Variants in VWA8 observed in about 807,000 individuals in gnomAD.
VWA8 encodes von Willebrand factor A domain containing 8.
A neutral mutation model predicts 241.5 loss-of-function variants in VWA8; 221 were observed. That is an observed-to-expected ratio of 0.91 (90% CI 0.82 to 1.02). The LOEUF (loss-of-function observed/expected upper bound fraction) is 1.02, where lower values mean the gene tolerates loss of function less well. VWA8 is among the 50% of genes least tolerant of loss of function. The pLI, the probability that VWA8 is intolerant of heterozygous loss-of-function variation, is 0.00. For missense variants in VWA8, 2,322 were observed against 2,328.7 expected, an observed-to-expected ratio of 1.00 and a Z score of 0.06; for synonymous variants, 852 against 827.1, an observed-to-expected ratio of 1.03 and a Z score of -0.52.
chr13:41,726,604 G>A (rs1264650301), intron 24 of VWA8, among the ~76,000 whole-genome samples: 3 of 152,086 alleles, frequency 2.0e-5, no homozygotes, highest in African/African-American at 7.2e-5. Context: ...AAACAACAAA[G>A]TATAGTGTAA....
At chr13:41,871,431 A>C (rs1257902729) in intron 9 of VWA8, among the ~76,000 whole-genome samples, 1 of 151,996 alleles carries the variant, frequency 6.6e-6, no homozygotes, top group Non-Finnish European at 1.5e-5. Flanking sequence ...CATTAGGTAT[A>C]TCTCCCAATG....
chr13:41,891,690 G>T, intron 4 of VWA8, 103 bp from the exon 5 acceptor site: 1 of 1,235,838 alleles, frequency 8.1e-7, no homozygotes, highest in Non-Finnish European at 1.1e-6. Flanking sequence ...TTGTTATAGG[G>T]ACCAGAAATC....
At chr13:41,636,475 T>C (rs1255113339) in intron 37 of VWA8, among the ~76,000 whole-genome samples, 9 of 152,250 alleles carry the variant, frequency 5.9e-5, no homozygotes, top group Admixed American at 2.6e-4. Context: ...ATAAAAACCC[T>C]AGAAGAAAAC....
At chr13:41,917,793 T>C (rs936616527) in intron 2 of VWA8, among the ~76,000 whole-genome samples, 4 of 152,246 alleles carry the variant, frequency 2.6e-5, no homozygotes, top group African/African-American at 9.6e-5. Flanking sequence ...GTAAAGCCTA[T>C]GTTAGAGTAC....
chr13:41,784,080 A>C, intron 18 of VWA8, among the ~76,000 whole-genome samples, 179 bp from the exon 19 acceptor site: 1 of 152,154 alleles, frequency 6.6e-6, no homozygotes, highest in East Asian at 1.9e-4. Flanking sequence ...AATGCTTCAA[A>C]AGGTAACAAA....
chr13:41,902,586 A>G (rs1466293311), intron 4 of VWA8, among the ~76,000 whole-genome samples: 1 of 152,228 alleles, frequency 6.6e-6, no homozygotes, highest in Non-Finnish European at 1.5e-5. Flanking sequence ...TTCAATATAT[A>G]TTTGTTAATA....
intron 12 of VWA8, among the ~76,000 whole-genome samples, chr13:41,850,648 A>G (rs2079393332): frequency 6.6e-6 from 1 of 152,186 alleles, no homozygotes; most frequent in African/African-American, 2.4e-5. Context: ...TTAGCAAGCC[A>G]AATGAAAGAC....
At chr13:41,622,216 T>A (rs1288439857) in intron 37 of VWA8, among the ~76,000 whole-genome samples, 1 of 152,136 alleles carries the variant, frequency 6.6e-6, no homozygotes, top group Non-Finnish European at 1.5e-5. Flanking sequence ...TCATAAAAGA[T>A]GCAAGTCAGG....
intron 39 of VWA8, among the ~76,000 whole-genome samples, chr13:41,611,352 C>T (rs1213818776): frequency 2.0e-5 from 3 of 152,082 alleles, no homozygotes; most frequent in Admixed American, 6.5e-5. Context: ...ATGGATGGGG[C>T]GATTTGAGCT....
At position 41,833,538 on chromosome 13, in the gene VWA8, C is replaced by T; in HGVS notation, c.1426-7G>A. 2 of 1,595,930 alleles carry T rather than the reference C, an allele frequency of 1.3e-6. No homozygotes were observed. The highest frequency in any genetic ancestry group is 1.7e-6 in the Non-Finnish European group (2 of 1,172,260). Reference sequence around the variant, plus strand: ...GATCACGCGCTGTCATATCCTAAAACAAATCCCCACCACCCAACAAAGAAC... The same window carrying T: ...GATCACGCGCTGTCATATCCTAAAATAAATCCCCACCACCCAACAAAGAAC... On this transcript the variant is annotated splice_region_variant and splice_polypyrimidine_tract_variant and intron_variant, in intron 12 of 44. Coordinates refer to ENST00000379310, the MANE Select transcript of VWA8 (RefSeq NM_015058.2).
chr13:41,933,236 TACTC>T (rs1469528084), intron 2 of VWA8, among the ~76,000 whole-genome samples: 2 of 151,954 alleles, frequency 1.3e-5, no homozygotes, highest in Non-Finnish European at 2.9e-5. Flanking sequence ...AAGTATGAAA[TACTC>T]AAAGCATAAA....
At chr13:41,796,359 A>G (rs911904507) in intron 17 of VWA8, among the ~76,000 whole-genome samples, 4 of 152,120 alleles carry the variant, frequency 2.6e-5, no homozygotes, top group African/African-American at 9.7e-5. Flanking sequence ...TTTTTTAACT[A>G]CCAACTTTAT....
chr13:41,781,301 AGCTCC>A (rs1489852075), intron 19 of VWA8, among the ~76,000 whole-genome samples: 1 of 152,080 alleles, frequency 6.6e-6, no homozygotes, highest in Non-Finnish European at 1.5e-5. Flanking sequence ...ATTTATATAT[AGCTCC>A]CTAAATGAGC....
intron 37 of VWA8, among the ~76,000 whole-genome samples, chr13:41,639,732 C>G (rs535455865): frequency 6.6e-6 from 1 of 152,132 alleles, no homozygotes; most frequent in East Asian, 1.9e-4. Flanking sequence ...CCCATGGACA[C>G]AAAGAAGGGA....
intron 1 of VWA8, among the ~76,000 whole-genome samples, chr13:41,954,996 G>A (rs575851483): frequency 2.6e-5 from 4 of 152,192 alleles, no homozygotes; most frequent in African/African-American, 9.6e-5. Flanking sequence ...CAAGGCCTAA[G>A]TTTTAATCAT....
intron 37 of VWA8, among the ~76,000 whole-genome samples, chr13:41,643,922 T>C (rs1239618970): frequency 6.6e-6 from 1 of 152,018 alleles, no homozygotes; most frequent in Non-Finnish European, 1.5e-5. Context: ...AGGGCTAACA[T>C]TACCACAAGG....
chr13:41,759,817 T>C (rs1229438048), intron 21 of VWA8, among the ~76,000 whole-genome samples: 1 of 151,686 alleles, frequency 6.6e-6, no homozygotes, highest in Non-Finnish European at 1.5e-5. Context: ...GATTTTGCGG[T>C]CTTCTTGGTT....
intron 9 of VWA8, among the ~76,000 whole-genome samples, chr13:41,875,819 C>G (rs553315348): frequency 2.9e-4 from 44 of 152,150 alleles, no homozygotes; most frequent in African/African-American, 9.6e-4. Context: ...CCGATTTTCT[C>G]TCTCCAGTAC....
chr13:41,897,560 T>C (rs2138092969), intron 4 of VWA8, among the ~76,000 whole-genome samples: 1 of 152,292 alleles, frequency 6.6e-6, no homozygotes, highest in South Asian at 2.1e-4. Flanking sequence ...AATAGATGTA[T>C]TAAAGTATTG....
Sources: allele counts gnomAD v4.1 joint callset (sites outside exome capture counted in the v4.1 genomes callset), GRCh38; gene constraint gnomAD v4.1.1; transcripts MANE v1.5; gene names NCBI Gene and HGNC (gene_info 2026-07-23, HGNC 2026-07-21).